SDHC: variants seen among roughly 807,000 people sequenced by gnomAD.
SDHC encodes succinate dehydrogenase complex subunit C.
Under a neutral mutation model 22.6 loss-of-function variants are expected in SDHC, and 11 were observed. The observed-to-expected ratio is 0.49, with a 90% CI of 0.31 to 0.81. The LOEUF is 0.81. Ranked by LOEUF, SDHC falls within the 30% of genes least tolerant of loss-of-function variation. The pLI, the probability that SDHC is intolerant of heterozygous loss-of-function variation, is 0.05. For missense variants in SDHC, 160 were observed against 212.0 expected, an observed-to-expected ratio of 0.75 and a Z score of 1.52; for synonymous variants, 80 against 77.8, an observed-to-expected ratio of 1.03 and a Z score of -0.15.
chr1:161,322,625 G>A (rs1371531737), intron 1 of SDHC, among the ~76,000 whole-genome samples: 1 of 151,042 alleles, frequency 6.6e-6, no homozygotes, highest in Non-Finnish European at 1.5e-5. Flanking sequence ...GGAGTGCAGT[G>A]GTGCGATCTT....
chr1:161,339,945 G>C (rs1671659883), intron 3 of SDHC, among the ~76,000 whole-genome samples: 2 of 152,038 alleles, frequency 1.3e-5, no homozygotes, highest in Admixed American at 1.3e-4. Flanking sequence ...CTCCCAAAGT[G>C]CTGGGATTAC....
intron 4 of SDHC, among the ~76,000 whole-genome samples, chr1:161,352,745 C>T (rs557257265): frequency 6.6e-6 from 1 of 152,194 alleles, no homozygotes; most frequent in East Asian, 1.9e-4. Context: ...GAGGCCAAGG[C>T]GAGTGGATCA....
intron 3 of SDHC, among the ~76,000 whole-genome samples, chr1:161,329,736 C>G (rs1356368951): frequency 1.3e-5 from 2 of 152,224 alleles, no homozygotes; most frequent in East Asian, 3.8e-4. Flanking sequence ...AAGTACAACA[C>G]AGGTCTCATT....
chr1:161,348,692 C>A, intron 4 of SDHC, among the ~76,000 whole-genome samples: 1 of 118 alleles, frequency 8.5e-3, no homozygotes, highest in South Asian at 0.25. Flanking sequence ...AAAAAATTAG[C>A]CAGTTGTGGG....
Position 161,337,061 on chromosome 1 carries a change from G to GGT in SDHC, c.180-3533_180-3532insGT, listed in dbSNP as rs1428173311. On this transcript the variant is annotated intron_variant, in intron 3 of 5. Transcript: ENST00000367975. ...ATGTTTGTATTTTTTGTAGAAATGG[G>GGT]TTTTTTTTTTTTTTTTGCCATCTTG... Among the ~76,000 whole-genome samples the GGT allele has an allele frequency of 1.0e-3, 137 of 133,908 alleles. 1 individual carries two copies. The highest frequency in any genetic ancestry group is 2.7e-3 in the African/African-American group (99 of 36,188). The allele number at this position is 133,908 out of a possible 152,430, so 87.8% of individuals were successfully genotyped here.
intron 4 of SDHC, among the ~76,000 whole-genome samples, chr1:161,350,841 A>G (rs945623570): frequency 3.9e-5 from 6 of 152,168 alleles, no homozygotes; most frequent in African/African-American, 1.4e-4. Flanking sequence ...GAGCACCACT[A>G]GTCTATATGG....
intron 1 of SDHC, among the ~76,000 whole-genome samples, chr1:161,318,699 T>C (rs1558161754): frequency 6.6e-6 from 1 of 152,244 alleles, no homozygotes; most frequent in Non-Finnish European, 1.5e-5. Flanking sequence ...TATTTTTATT[T>C]TTTTTAACCT....
chr1:161,319,866 T>C (rs868393376), intron 1 of SDHC, among the ~76,000 whole-genome samples: 1 of 152,132 alleles, frequency 6.6e-6, no homozygotes, highest in Admixed American at 6.5e-5. Context: ...CATAATGTAA[T>C]GTTCAGTGTG....
At position 161,323,690 on chromosome 1, in the gene SDHC, G is replaced by GATT. The variant is rs200866859; in HGVS notation, c.77+24_77+26dup. On this transcript the variant is annotated intron_variant, in intron 2 of 5. Transcript: ENST00000367975. ...CAGAAAGTAAGTTTCTAAGTCTGGA[G>GATT]ATTATTTATTTATTTTTTTTTTTGA... 3.1e-4 allele frequency: 479 copies of GATT among 1,569,026 alleles called. 3 individuals are homozygous for GATT. The highest frequency in any genetic ancestry group is 2.0e-3 in the South Asian group (177 of 87,156).
intron 3 of SDHC, chr1:161,339,659 GGTGTT>G: frequency 8.3e-6 from 1 of 119,930 alleles, no homozygotes; most frequent in Non-Finnish European, 1.6e-5. Context: ...TCCTGATACA[GGTGTT>G]TTTTTTTTTT....
At chr1:161,361,488 G>A (rs2102382319) in intron 5 of SDHC, among the ~76,000 whole-genome samples, 1 of 152,174 alleles carries the variant, frequency 6.6e-6, no homozygotes, top group South Asian at 2.1e-4. Context: ...GAGATTGACT[G>A]TATCTAGGAA....
intron 1 of SDHC, among the ~76,000 whole-genome samples, chr1:161,323,382 A>G (rs914221049): frequency 1.3e-5 from 2 of 152,018 alleles, no homozygotes; most frequent in Non-Finnish European, 2.9e-5. Context: ...TTTGTCTTGC[A>G]TTATTTGTGT....
chr1:161,341,710 T>A (rs1412473649), intron 4 of SDHC, among the ~76,000 whole-genome samples: 2 of 152,234 alleles, frequency 1.3e-5, no homozygotes, highest in Admixed American at 1.3e-4. Context: ...TAGCATACTT[T>A]GCTCTCCTAC....
intron 2 of SDHC, among the ~76,000 whole-genome samples, chr1:161,327,871 ATTTTATTTTTAT>A (rs903294056): frequency 3.1e-4 from 47 of 151,582 alleles, no homozygotes; most frequent in Non-Finnish European, 4.4e-4. Context: ...CTATTATTTT[ATTTTATTTTTAT>A]TTTTATTTTT....
intron 5 of SDHC, among the ~76,000 whole-genome samples, chr1:161,358,437 C>A (rs1672366558): frequency 6.6e-6 from 1 of 151,926 alleles, no homozygotes; most frequent in African/African-American, 2.4e-5. Context: ...GGAAACTGTC[C>A]ATGTTGCCTC....
chr1:161,317,449 A>G lies in SDHC; in HGVS notation c.20+3024A>G, dbSNP rs180793838. On this transcript the variant is annotated intron_variant, in intron 1 of 5. Coordinates refer to ENST00000367975, the MANE Select transcript of SDHC (RefSeq NM_003001.5). ...TGAAATATGTGTACCTTGTGGAGCTATTGACATATGCATTACATCTTTGTG... is the reference window on the plus strand; with the variant it reads ...TGAAATATGTGTACCTTGTGGAGCTGTTGACATATGCATTACATCTTTGTG... Among the ~76,000 whole-genome samples the G allele has an allele frequency of 8.0e-4, 119 of 148,784 alleles. 1 individual carries two copies. Among genetic ancestry groups the G allele is most frequent in the African/African-American group, 2.5e-5 (1 of 40,322 alleles).
chr1:161,314,428 G>A lies in SDHC; in HGVS notation c.20+3G>A, dbSNP rs377566366. 1 of 1,610,680 alleles carries A rather than the reference G, an allele frequency of 6.2e-7. No homozygotes were observed. The highest frequency in any genetic ancestry group is 1.4e-5 in the African/African-American group (1 of 72,730). ...AAGATGGCTGCGCTGTTGCTGAGGT[G>A]ACTTCAGTGGGACTGGGAGTTGGTG... On this transcript the variant is annotated splice_donor_region_variant and intron_variant, in intron 1 of 5. Transcript: ENST00000367975.
intron 1 of SDHC, among the ~76,000 whole-genome samples, chr1:161,316,708 G>C (rs941243720): frequency 6.6e-6 from 1 of 152,094 alleles, no homozygotes; most frequent in African/African-American, 2.4e-5. Flanking sequence ...GATTTTTTTA[G>C]GAGGATAAAT....
At chr1:161,326,374 C>T (rs868081962) in intron 2 of SDHC, among the ~76,000 whole-genome samples, 2 of 151,864 alleles carry the variant, frequency 1.3e-5, no homozygotes, top group East Asian at 1.9e-4. Flanking sequence ...TTGACCCAGA[C>T]CCCAAGAGAG....
Sources: allele counts gnomAD v4.1 joint callset (sites outside exome capture counted in the v4.1 genomes callset), GRCh38; gene constraint gnomAD v4.1.1; transcripts MANE v1.5; gene names NCBI Gene and HGNC (gene_info 2026-07-23, HGNC 2026-07-21).